Variants in CAST observed in about 807,000 individuals in gnomAD.
The protein encoded by CAST is MIR583 host.
CAST carries 76 observed loss-of-function variants against 119.6 expected under a neutral mutation model. The ratio of observed to expected loss-of-function variants is 0.64; its 90% CI spans 0.53 to 0.77. The LOEUF (loss-of-function observed/expected upper bound fraction) is 0.77, where lower values mean the gene tolerates loss of function less well. Ranked by LOEUF, CAST falls within the 30% of genes least tolerant of loss-of-function variation. CAST has a pLI of 0.00. For missense variants in CAST, 953 were observed against 946.5 expected (o/e 1.01, Z -0.09); for synonymous variants, 319 against 331.6 (o/e 0.96, Z 0.41).
chr5:96,019,207 G>A, the CAST span, among the ~76,000 whole-genome samples: 1 of 152,162 alleles, frequency 6.6e-6, no homozygotes, highest in Non-Finnish European at 1.5e-5. Context: ...GAGGATCACA[G>A]TTACCCACAA....
intron 29 of CAST, chr5:96,769,721 C>T (rs1771534454): frequency 6.6e-6 from 1 of 151,734 alleles, no homozygotes; most frequent in Non-Finnish European, 1.5e-5. Context: ...ATCCTTTGAC[C>T]TATATCTCTG....
chr5:96,216,382 T>A, the CAST span, among the ~76,000 whole-genome samples: 2 of 152,214 alleles, frequency 1.3e-5, no homozygotes, highest in Non-Finnish European at 2.9e-5. Flanking sequence ...ATAAATTGCT[T>A]TTTAAAAATG....
the CAST span, among the ~76,000 whole-genome samples, chr5:96,128,021 G>C: frequency 6.6e-6 from 1 of 152,064 alleles, no homozygotes; most frequent in African/African-American, 2.4e-5. Context: ...CTATGTCCTT[G>C]AGTTAGGTAA....
the CAST span, among the ~76,000 whole-genome samples, chr5:96,468,517 T>A: frequency 6.6e-6 from 1 of 152,092 alleles, no homozygotes; most frequent in Non-Finnish European, 1.5e-5. Context: ...TCTCATTCAA[T>A]CCCATTGTAA....
the CAST span, among the ~76,000 whole-genome samples, chr5:96,130,205 A>T: frequency 6.6e-6 from 1 of 152,032 alleles, no homozygotes; most frequent in Non-Finnish European, 1.5e-5. Context: ...GATAGAATGT[A>T]TCTTCAATTT....
chr5:96,321,322 C>G, the CAST span, among the ~76,000 whole-genome samples: 1 of 152,190 alleles, frequency 6.6e-6, no homozygotes, highest in Admixed American at 6.5e-5. Context: ...AAAAATGTCT[C>G]CAGACATTGA....
chr5:96,145,831 A>T, the CAST span, among the ~76,000 whole-genome samples: 1 of 152,180 alleles, frequency 6.6e-6, no homozygotes, highest in Non-Finnish European at 1.5e-5. Flanking sequence ...ACATAAAGTC[A>T]TCTGGGGCTG....
At chr5:96,762,441 C>T (rs894801690) in intron 25 of CAST, 69 bp downstream of exon 25, 14 of 1,155,730 alleles carry the variant, frequency 1.2e-5, no homozygotes, top group Non-Finnish European at 1.5e-5. Context: ...AAATAGGGCG[C>T]CTGTTTAAAG....
chr5:96,238,455 T>G, the CAST span, among the ~76,000 whole-genome samples: 1 of 151,716 alleles, frequency 6.6e-6, no homozygotes, highest in Admixed American at 6.6e-5. Context: ...TGGTACCATC[T>G]GAGCTCACTG....
At chr5:96,359,751 T>C in the CAST span, among the ~76,000 whole-genome samples, 1 of 152,244 alleles carries the variant, frequency 6.6e-6, no homozygotes, top group Non-Finnish European at 1.5e-5. Flanking sequence ...CCTTTCTCTC[T>C]GTCTGCCCTT....
chr5:96,331,766 G>T, the CAST span, among the ~76,000 whole-genome samples: 1 of 152,206 alleles, frequency 6.6e-6, no homozygotes, highest in African/African-American at 2.4e-5. Context: ...TGCCTGGTGG[G>T]TTTATAGACA....
the CAST span, among the ~76,000 whole-genome samples, chr5:96,012,856 T>G: frequency 6.6e-6 from 1 of 152,188 alleles, no homozygotes; most frequent in African/African-American, 2.4e-5. Flanking sequence ...TTAAGAACCC[T>G]TGCATGCTTC....
chr5:96,043,214 G>T, the CAST span, among the ~76,000 whole-genome samples: 4 of 152,118 alleles, frequency 2.6e-5, no homozygotes, highest in Non-Finnish European at 4.4e-5. Flanking sequence ...AATCAACTAT[G>T]TTCTTCTGAA....
At chr5:96,446,654 C>G in the CAST span, among the ~76,000 whole-genome samples, 1 of 152,128 alleles carries the variant, frequency 6.6e-6, no homozygotes. Context: ...TCTATAAAGT[C>G]AAGGTCATTG....
At chr5:96,692,927 A>G (rs1752894223) in intron 2 of CAST, among the ~76,000 whole-genome samples, 1 of 152,226 alleles carries the variant, frequency 6.6e-6, no homozygotes, top group Admixed American at 6.5e-5. Flanking sequence ...CAATGAATGA[A>G]TGAACAAATG....
At chr5:96,592,318 T>C (rs1327352148) in intron 1 of CAST, among the ~76,000 whole-genome samples, 5 of 151,964 alleles carry the variant, frequency 3.3e-5, no homozygotes, top group Non-Finnish European at 7.4e-5. Flanking sequence ...GGAGAATAGT[T>C]TGAGCCCGGG....
chr5:96,069,767 C>A, the CAST span, among the ~76,000 whole-genome samples: 1 of 148,684 alleles, frequency 6.7e-6, no homozygotes, highest in East Asian at 2.0e-4. Flanking sequence ...TCCCAATGCG[C>A]TGGGATTACA....
chr5:96,184,894 T>C, the CAST span, among the ~76,000 whole-genome samples: 1 of 152,224 alleles, frequency 6.6e-6, no homozygotes, highest in Non-Finnish European at 1.5e-5. Flanking sequence ...CTAGGTCAAA[T>C]GGTATTTCTG....
At chr5:96,668,123 G>A (rs374607025) in intron 1 of CAST, among the ~76,000 whole-genome samples, 9 of 150,862 alleles carry the variant, frequency 6.0e-5, no homozygotes, top group Non-Finnish European at 1.2e-4. Context: ...TCTGTTAACC[G>A]TCACAGCTAC....
Sources: allele counts gnomAD v4.1 joint callset (sites outside exome capture counted in the v4.1 genomes callset), GRCh38; gene constraint gnomAD v4.1.1; transcripts MANE v1.5; gene names NCBI Gene and HGNC (gene_info 2026-07-23, HGNC 2026-07-21).